The following MAMDC2 variants were observed in gnomAD, a reference collection of about 807,000 sequenced individuals.
MAMDC2 encodes MAM domain-containing protein 2.
A neutral mutation model predicts 89.8 loss-of-function variants in MAMDC2; 57 were observed. That is an observed-to-expected ratio of 0.63 (90% confidence interval 0.51 to 0.79). MAMDC2 has a LOEUF of 0.79. Ranked by LOEUF, MAMDC2 falls within the 30% of genes least tolerant of loss-of-function variation. MAMDC2 has a pLI of 0.00. For synonymous variants in MAMDC2, 313 were observed against 293.4 expected (o/e 1.07, Z -0.68); for missense variants, 800 against 820.6 (o/e 0.97, Z 0.31).
intron 2 of MAMDC2, among the ~76,000 whole-genome samples, chr9:70,106,403 G>A (rs1442807244): frequency 2.6e-5 from 4 of 152,158 alleles, no homozygotes; most frequent in Admixed American, 1.3e-4. Context: ...AGGTACTCAC[G>A]TGATCTCCCC....
intron 12 of MAMDC2, among the ~76,000 whole-genome samples, chr9:70,218,947 AGCT>A (rs1346743858): frequency 6.6e-6 from 1 of 152,182 alleles, no homozygotes; most frequent in African/African-American, 2.4e-5. Flanking sequence ...AATTAGTTGC[AGCT>A]GCATCTTTTA....
intron 2 of MAMDC2, 34 bp from the exon 3 acceptor site, chr9:70,108,177 T>C (rs1828391185): frequency 6.6e-7 from 1 of 1,506,648 alleles, no homozygotes; most frequent in Non-Finnish European, 8.9e-7. Flanking sequence ...CAAACAAAAA[T>C]TGATCCTTTT....
chr9:70,199,004 T>G (rs1322044499), intron 11 of MAMDC2, among the ~76,000 whole-genome samples: 1 of 152,108 alleles, frequency 6.6e-6, no homozygotes, highest in Non-Finnish European at 1.5e-5. Flanking sequence ...AGCTCCAGAT[T>G]ATTAAAGTCT....
chr9:70,144,975 A>C (rs2031351690), intron 9 of MAMDC2, among the ~76,000 whole-genome samples: 1 of 152,218 alleles, frequency 6.6e-6, no homozygotes, highest in African/African-American at 2.4e-5. Context: ...TTAATCAAAG[A>C]TCTCTGAAAA....
At chr9:70,201,676 C>G (rs1415819327) in intron 11 of MAMDC2, among the ~76,000 whole-genome samples, 1 of 116,798 alleles carries the variant, frequency 8.6e-6, no homozygotes, top group Admixed American at 9.0e-5. Context: ...GTGAATCCAT[C>G]TGGTCCTGGA....
chr9:70,082,515 A>G (rs1827676171), intron 2 of MAMDC2: 1 of 152,172 alleles, frequency 6.6e-6, no homozygotes. Context: ...TTCATTTAAT[A>G]TCACTAGTTT....
chr9:70,112,880 C>A, intron 4 of MAMDC2, 115 bp from the exon 5 acceptor site: 1 of 1,288,536 alleles, frequency 7.8e-7, no homozygotes, highest in Non-Finnish European at 1.1e-6. Context: ...AGAAAGGTTG[C>A]AGTGGGCAAA....
intron 7 of MAMDC2, among the ~76,000 whole-genome samples, chr9:70,135,159 T>C (rs2030957753): frequency 6.6e-6 from 1 of 152,262 alleles, no homozygotes; most frequent in African/African-American, 2.4e-5. Flanking sequence ...CCTTACATTA[T>C]GATGCTTTTT....
chr9:70,044,826 C>G (rs998519938), intron 2 of MAMDC2, 129 bp downstream of exon 2: 2 of 765,186 alleles, frequency 2.6e-6, no homozygotes, highest in Admixed American at 2.1e-5. Context: ...GTCATGGATC[C>G]TCCTTCAAGC....
At chr9:70,091,837 A>G (rs1160416498) in intron 2 of MAMDC2, among the ~76,000 whole-genome samples, 1 of 152,204 alleles carries the variant, frequency 6.6e-6, no homozygotes, top group Non-Finnish European at 1.5e-5. Context: ...ATGGCAACCA[A>G]CTTATTGAAA....
At chr9:70,088,373 TA>T (rs1827818197) in intron 2 of MAMDC2, 1 of 152,064 alleles carries the variant, frequency 6.6e-6, no homozygotes, top group Non-Finnish European at 1.5e-5. Flanking sequence ...CAACTAGAGG[TA>T]TTTTAGGAGG....
At chr9:70,221,181 G>A (rs181283750) in intron 12 of MAMDC2, among the ~76,000 whole-genome samples, 20 of 150,668 alleles carry the variant, frequency 1.3e-4, no homozygotes, top group Non-Finnish European at 2.4e-4. Context: ...ACATTCTAGT[G>A]GGGAGGACGT....
chr9:70,100,893 C>T (rs2118220154), intron 2 of MAMDC2, among the ~76,000 whole-genome samples: 1 of 152,322 alleles, frequency 6.6e-6, no homozygotes, highest in East Asian at 1.9e-4. Context: ...TTCTCTCTGT[C>T]TCTGCAATAA....
At chr9:70,209,264 C>CT (rs2033299360) in intron 11 of MAMDC2, among the ~76,000 whole-genome samples, 1 of 152,074 alleles carries the variant, frequency 6.6e-6, no homozygotes, top group African/African-American at 2.4e-5. Context: ...TGGTCCTGGA[C>CT]TTTTTTTGGT....
At position 70,108,326 on chromosome 9, in the gene MAMDC2, C is replaced by A. The variant is rs1262982498; in HGVS notation, c.264C>A (p.Thr88=). 5 of 1,614,094 alleles carry A rather than the reference C, an allele frequency of 3.1e-6. No homozygotes were observed. The highest frequency in any genetic ancestry group is 4.2e-6 in the Non-Finnish European group (5 of 1,179,986). The change falls in exon 3 of 14, where the codon ACC becomes ACA. Residue 88 remains threonine (T), a synonymous_variant. Transcript: ENST00000377182. ...GCCTCCGTTTGGTCTACCAGATAAC[C>A]ACATCTTCGGAGTCTCTGTCAGATC... ...WSCLRLVYQI[T]TSSESLSDPS...
chr9:70,086,979 G>C (rs1391016500), intron 2 of MAMDC2: 1 of 152,116 alleles, frequency 6.6e-6, no homozygotes, highest in African/African-American at 2.4e-5. Flanking sequence ...ACAGAGTTCT[G>C]TCTGAGAACT....
At chr9:70,116,023 G>C (rs372755229) in intron 5 of MAMDC2, among the ~76,000 whole-genome samples, 1 of 152,180 alleles carries the variant, frequency 6.6e-6, no homozygotes, top group African/African-American at 2.4e-5. Flanking sequence ...ATCTTGAAAG[G>C]CTGATGCATC....
chr9:70,092,934 G>T (rs568038882), intron 2 of MAMDC2, among the ~76,000 whole-genome samples: 1 of 151,978 alleles, frequency 6.6e-6, no homozygotes, highest in African/African-American at 2.4e-5. Flanking sequence ...CCACTGCTAC[G>T]TTTTCTTTTT....
At chr9:70,128,531 A>G (rs2118352858) in intron 6 of MAMDC2, among the ~76,000 whole-genome samples, 1 of 152,366 alleles carries the variant, frequency 6.6e-6, no homozygotes, top group South Asian at 2.1e-4. Context: ...TATTTTGTCC[A>G]AACTCTTTTT....
Sources: allele counts gnomAD v4.1 joint callset (sites outside exome capture counted in the v4.1 genomes callset), GRCh38; gene constraint gnomAD v4.1.1; transcripts MANE v1.5; gene names NCBI Gene and HGNC (gene_info 2026-07-23, HGNC 2026-07-21).